The following NYAP2 variants were observed in gnomAD, a reference collection of about 807,000 sequenced individuals.
NYAP2 encodes the protein neuronal tyrosine-phosphorylated phosphoinositide-3-kinase adapter 2.
In NYAP2, 23 loss-of-function variants were observed where a neutral mutation model predicts 50.4. The ratio of observed to expected loss-of-function variants is 0.46; its 90% CI spans 0.33 to 0.65. The LOEUF (loss-of-function observed/expected upper bound fraction) is 0.65, where lower values mean the gene tolerates loss of function less well. NYAP2 is among the 30% of genes least tolerant of loss of function. NYAP2 has a pLI of 0.02. For synonymous variants in NYAP2, 394 were observed against 365.2 expected, an observed-to-expected ratio of 1.08 and a Z score of -0.90; for missense variants, 885 against 861.0, an observed-to-expected ratio of 1.03 and a Z score of -0.35.
chr2:225,578,269 A>T (rs956484440), intron 4 of NYAP2, among the ~76,000 whole-genome samples: 1 of 152,010 alleles, frequency 6.6e-6, no homozygotes, highest in African/African-American at 2.4e-5. Context: ...CAATAATAAG[A>T]AAAAGGACTG....
chr2:225,456,771 A>G (rs773245776), intron 3 of NYAP2, among the ~76,000 whole-genome samples: 5 of 152,010 alleles, frequency 3.3e-5, no homozygotes. Context: ...CTGTTCCCAT[A>G]TATCTTCCTG....
At chr2:225,400,111 C>G (rs546790261) in exon 1 of NYAP2, 1 of 152,206 alleles carries the variant, frequency 6.6e-6, no homozygotes, top group Non-Finnish European at 1.5e-5. Flanking sequence ...TTTCCGGTTT[C>G]TTGCAATTTC....
intron 3 of NYAP2, among the ~76,000 whole-genome samples, chr2:225,416,610 G>T (rs1053448997): frequency 2.6e-5 from 4 of 152,140 alleles, no homozygotes; most frequent in Non-Finnish European, 5.9e-5. Flanking sequence ...TGCCAGGACA[G>T]ATTAGAGACA....
Position 225,529,450 on chromosome 2 carries a change from C to T in NYAP2, c.523+15778C>T, listed in dbSNP as rs150587398. On this transcript the variant is annotated intron_variant, in intron 4 of 6. Transcript: ENST00000636099. Reference sequence around the variant, plus strand: ...GAAGCCATTCTCTGCCTCAGCCCCCCGAGTAGCTGGCATTACAGACATGAG... The same window carrying T: ...GAAGCCATTCTCTGCCTCAGCCCCCTGAGTAGCTGGCATTACAGACATGAG... Among the ~76,000 whole-genome samples, 15 of 152,040 alleles carry T rather than the reference C, an allele frequency of 9.9e-5. No individual in the cohort carries two copies. In the East Asian group the frequency reaches 1.2e-3, roughly 12 times the overall value.
At chr2:225,479,617 G>C (rs936127780) in intron 3 of NYAP2, among the ~76,000 whole-genome samples, 1 of 151,696 alleles carries the variant, frequency 6.6e-6, no homozygotes, top group African/African-American at 2.4e-5. Context: ...CCAATGCATT[G>C]TGAAAATGCT....
chr2:225,453,360 A>G (rs1689683810), intron 3 of NYAP2, among the ~76,000 whole-genome samples: 1 of 152,136 alleles, frequency 6.6e-6, no homozygotes, highest in African/African-American at 2.4e-5. Flanking sequence ...TATTGTAAAA[A>G]CTTAAGATCT....
At chr2:225,532,813 C>T (rs1691280913) in intron 4 of NYAP2, among the ~76,000 whole-genome samples, 1 of 152,184 alleles carries the variant, frequency 6.6e-6, no homozygotes, top group African/African-American at 2.4e-5. Context: ...CATAGCACCA[C>T]CCACTTACAA....
At chr2:225,654,724 A>C (rs1452712281), downstream of NYAP2, among the ~76,000 whole-genome samples, 1 of 152,064 alleles carries the variant, frequency 6.6e-6, no homozygotes, top group East Asian at 1.9e-4. Flanking sequence ...AAACAAACAA[A>C]ATCAGTCACT....
At chr2:225,634,929 T>C (rs1282343178) in intron 6 of NYAP2, among the ~76,000 whole-genome samples, 3 of 152,210 alleles carry the variant, frequency 2.0e-5, no homozygotes, top group Admixed American at 6.5e-5. Context: ...GGAATGGAAC[T>C]GCAATTGAAC....
chr2:225,550,437 G>A (rs142161740), intron 4 of NYAP2, among the ~76,000 whole-genome samples: 2 of 152,312 alleles, frequency 1.3e-5, no homozygotes, highest in Non-Finnish European at 2.9e-5. Flanking sequence ...ATATTTGAAG[G>A]CATTGGTGAT....
At chr2:225,496,868 A>G (rs559185647) in intron 3 of NYAP2, among the ~76,000 whole-genome samples, 25 of 152,348 alleles carry the variant, frequency 1.6e-4, no homozygotes, top group Middle Eastern at 3.4e-3. Context: ...TAGATGATAA[A>G]TACTATAATG....
chr2:225,578,486 A>C (rs1692207696), intron 4 of NYAP2, among the ~76,000 whole-genome samples: 1 of 152,164 alleles, frequency 6.6e-6, no homozygotes, highest in Non-Finnish European at 1.5e-5. Context: ...AACAGCAAAC[A>C]TCCAGAAAAT....
chr2:225,624,281 A>G (rs1693171053), intron 5 of NYAP2, among the ~76,000 whole-genome samples: 1 of 152,220 alleles, frequency 6.6e-6, no homozygotes, highest in Admixed American at 6.5e-5. Context: ...ATCAACAACA[A>G]TGAAAAGGCT....
At chr2:225,409,541 C>T (rs1694997559) in intron 3 of NYAP2, among the ~76,000 whole-genome samples, 3 of 152,008 alleles carry the variant, frequency 2.0e-5, no homozygotes, top group African/African-American at 7.2e-5. Flanking sequence ...ATTATACTTA[C>T]GTGAGCCTCT....
intron 4 of NYAP2, among the ~76,000 whole-genome samples, chr2:225,560,210 T>C (rs1574678305): frequency 6.6e-6 from 1 of 152,232 alleles, no homozygotes; most frequent in East Asian, 1.9e-4. Context: ...ATTTTGTAAA[T>C]GTTGACCATT....
the NYAP2 span, among the ~76,000 whole-genome samples, chr2:225,674,936 G>T: frequency 6.6e-6 from 1 of 152,066 alleles, no homozygotes; most frequent in Non-Finnish European, 1.5e-5. Context: ...TGTCAGCAAA[G>T]TGAGGGCAAG....
Position 225,582,402 on chromosome 2 carries a change from C to A in NYAP2, c.985C>A (p.Leu329Met). The change falls in exon 5 of 7, where the codon CTG becomes ATG. Residue 329 changes from leucine (L) to methionine (M), a missense_variant. Physicochemically the swap from Leu to Met is conservative, Grantham distance 15. Transcript: ENST00000636099. The surrounding 1 kb of genome is among the most constrained non-coding windows in gnomAD (Gnocchi z 7.0). Reference sequence around the variant, plus strand: ...CGACATCCCTCCGCCCTTCCCCAACCTGCTTTCTCACAGACCCCCGCTGCT... The same window carrying A: ...CGACATCCCTCCGCCCTTCCCCAACATGCTTTCTCACAGACCCCCGCTGCT... 6.2e-7 allele frequency: 1 copy of A among 1,606,778 alleles called. No individual in the cohort carries two copies. The highest frequency in any genetic ancestry group is 2.2e-5 in the East Asian group (1 of 44,694).
At chr2:225,501,794 T>G (rs1690613701) in intron 3 of NYAP2, among the ~76,000 whole-genome samples, 3 of 152,186 alleles carry the variant, frequency 2.0e-5, no homozygotes, top group African/African-American at 7.2e-5. Flanking sequence ...TTCTCTCTCT[T>G]CCACTATCTC....
intron 5 of NYAP2, among the ~76,000 whole-genome samples, chr2:225,622,508 T>C (rs1259921584): frequency 1.1e-4 from 3 of 26,924 alleles, no homozygotes; most frequent in Non-Finnish European, 3.2e-4. Context: ...TTTCTTTTCT[T>C]TCTTTCTTTC....
Sources: gnomAD v4.1 joint callset for allele counts (sites outside exome capture counted in the v4.1 genomes callset) on GRCh38, gnomAD v4.1.1 for gene constraint, Gnocchi (gnomAD v3.1) non-coding constraint, MANE v1.5 for transcripts, NCBI Gene and HGNC (gene_info 2026-07-23, HGNC 2026-07-21) for gene names.